The following STXBP2 variants were observed in gnomAD, a reference collection of about 807,000 sequenced individuals.
The protein encoded by STXBP2 is syntaxin binding protein 2.
A neutral mutation model predicts 72.2 loss-of-function variants in STXBP2; 47 were observed. That is an observed-to-expected ratio of 0.65 (90% CI 0.51 to 0.83). STXBP2 has a LOEUF of 0.83. Ranked by LOEUF, STXBP2 falls within the 40% of genes least tolerant of loss-of-function variation. The probability of loss-of-function intolerance (pLI) is 0.00; values close to 1 mark genes in which losing one functional copy is unlikely to be tolerated. For missense variants in STXBP2, 702 were observed against 807.6 expected (o/e 0.87, Z 1.58); for synonymous variants, 367 against 338.7 (o/e 1.08, Z -0.92).
At chr19:7,633,680 G>A (rs186048987), upstream of STXBP2, 11 of 584,294 alleles carry the variant, frequency 1.9e-5, no homozygotes, top group Admixed American at 2.5e-4. Context: ...GGGGCAGGGC[G>A]ACCTGAGCTT....
chr19:7,642,666 C>T lies in STXBP2; in HGVS notation c.903-100C>T. 6.8e-7 allele frequency: 1 copy of T among 1,476,556 alleles called. No individual in the cohort carries two copies. Among genetic ancestry groups the T allele is most frequent in the East Asian group, 2.3e-5 (1 of 43,246 alleles). The allele number at this position is 1,476,556 out of a possible 1,614,324, so 91.5% of individuals were successfully genotyped here. ...CCCTCGTGTGACTCCAGACTGGCCT[C>T]CAATTTCACCCCACCTCTCCCTGTC... On this transcript the variant is annotated intron_variant, in intron 10 of 18. Transcript: ENST00000221283. The surrounding 1 kb of genome is among the most constrained non-coding windows in gnomAD (Gnocchi z 6.0).
At position 7,639,319 on chromosome 19, in the gene STXBP2, C is replaced by T. The variant is rs981543342; in HGVS notation, c.169+219C>T. 18 of 646,398 alleles carry T rather than the reference C, an allele frequency of 2.8e-5. 1 individual carries two copies. The highest frequency in any genetic ancestry group is 2.1e-4 in the South Asian group (12 of 57,580). 40.0% of individuals were successfully genotyped at this position (646,398 alleles called of 1,614,324 possible). On this transcript the variant is annotated intron_variant, in intron 3 of 18. Coordinates refer to ENST00000221283, the MANE Select transcript of STXBP2 (RefSeq NM_006949.4). ...GCCCATGGATTGCAGGCCTCCCCTG[C>T]AGCACTCCCTGGCTGCAGCCCCTTC...
intron 16 of STXBP2, chr19:7,646,665 C>A: frequency 2.1e-6 from 1 of 472,124 alleles, no homozygotes; most frequent in Non-Finnish European, 3.9e-6. Flanking sequence ...CAGGGCAGCA[C>A]CATCCAATGG....
rs376435359 is a variant in STXBP2 at position 7,643,148 on chromosome 19, C to A, written c.1027-17C>A. On this transcript the variant is annotated splice_polypyrimidine_tract_variant and intron_variant, in intron 12 of 18. Coordinates refer to ENST00000221283, the MANE Select transcript of STXBP2 (RefSeq NM_006949.4). ...TCAGCCTTTGTTATCCCCCAACCCC[C>A]ACCCTGCACCCTGCAGTATTCTACG... 2.0e-5 allele frequency: 33 copies of A among 1,613,800 alleles called. No homozygotes were observed. The highest frequency in any genetic ancestry group is 2.7e-5 in the Non-Finnish European group (32 of 1,179,956).
chr19:7,630,176 G>A, the STXBP2 span: 171 of 468,190 alleles, frequency 3.7e-4, no homozygotes, highest in African/African-American at 3.2e-3. Context: ...CTCGTGGTGG[G>A]TGGGTGTCTA....
chr19:7,640,096 A>G (rs771647501), intron 4 of STXBP2: 2 of 566,020 alleles, frequency 3.5e-6, no homozygotes, highest in East Asian at 3.7e-5. Flanking sequence ...CTGTGTGTGC[A>G]TTTGTGTCTG....
chr19:7,640,815 T>G lies in STXBP2; in HGVS notation c.325+6T>G. The G allele has an allele frequency of 6.2e-7, 1 of 1,613,996 alleles. No individual in the cohort carries two copies. The highest frequency in any genetic ancestry group is 1.3e-5 in the African/African-American group (1 of 74,990). ...CCATATCTTCTTCACCGACAGTGAG[T>G]GAGGAGAGCCTAGGGTGTTGGTGGG... is the stretch of plus-strand genomic sequence containing the variant. On this transcript the variant is annotated splice_donor_region_variant and intron_variant, in intron 5 of 18. Coordinates refer to ENST00000221283, the MANE Select transcript of STXBP2 (RefSeq NM_006949.4).
the STXBP2 span, chr19:7,631,617 G>C: frequency 6.8e-7 from 1 of 1,467,950 alleles, no homozygotes; most frequent in Non-Finnish European, 9.0e-7. Flanking sequence ...TCAGTTCCTT[G>C]TTATTCATTT....
chr19:7,633,030 C>T (rs2031396752), upstream of STXBP2: 1 of 1,429,438 alleles, frequency 7.0e-7, no homozygotes, highest in Non-Finnish European at 9.1e-7. Context: ...GCCCCCGCCC[C>T]AGGGGCCCTG....
chr19:7,645,316 G>A lies in STXBP2; in HGVS notation c.1356+10G>A, dbSNP rs770432705. The A allele has an allele frequency of 3.2e-6, 5 of 1,571,220 alleles. No homozygotes were observed. Among genetic ancestry groups the A allele is most frequent in the Admixed American group, 1.8e-5 (1 of 54,212 alleles). On this transcript the variant is annotated intron_variant, in intron 15 of 18. Transcript: ENST00000221283. ...TGTCACCAACCCCGGGGTACGCCAGGAGCGGGCATGGGGGGACCCTGGGAG... is the reference window on the plus strand; with the variant it reads ...TGTCACCAACCCCGGGGTACGCCAGAAGCGGGCATGGGGGGACCCTGGGAG...
At chr19:7,640,055 T>A (rs1568464590) in intron 4 of STXBP2, 1 of 639,910 alleles carries the variant, frequency 1.6e-6, no homozygotes, top group Non-Finnish European at 2.9e-6. Context: ...TGCATTTGTG[T>A]GTATGTGTGT....
upstream of STXBP2, chr19:7,633,676 G>C (rs957854963): frequency 1.7e-6 from 1 of 588,036 alleles, no homozygotes; most frequent in Non-Finnish European, 3.0e-6. Context: ...GTAGGGGGCA[G>C]GGCGACCTGA....
At chr19:7,632,593 A>G, upstream of STXBP2, 1 of 1,595,516 alleles carries the variant, frequency 6.3e-7, no homozygotes, top group Non-Finnish European at 8.5e-7. This position sits in a 1 kb window ranked among gnomAD's most constrained non-coding sequence, Gnocchi z 5.2. Context: ...ACCCCCACAC[A>G]GATGCTTCAG....
the STXBP2 span, chr19:7,629,823 G>C: frequency 2.6e-6 from 4 of 1,536,690 alleles, no homozygotes; most frequent in Non-Finnish European, 3.5e-6. Context: ...TTGTTGACCG[G>C]GAGAAACGAG....
chr19:7,633,470 C>T (rs2031421501), upstream of STXBP2: 2 of 1,572,026 alleles, frequency 1.3e-6, no homozygotes, highest in Non-Finnish European at 8.6e-7. Context: ...CCCTGGACTC[C>T]AGTCACTTTT....
chr19:7,642,358 C>T lies in STXBP2; in HGVS notation c.794+25C>T, dbSNP rs1412523854. ...GGTCTGCAGACTTGGAACCCGTCCC[C>T]ACCCTTGCCACTGACCTGGTTCCCC... On this transcript the variant is annotated intron_variant, in intron 9 of 18. Coordinates refer to ENST00000221283, the MANE Select transcript of STXBP2 (RefSeq NM_006949.4). This position sits in a 1 kb window ranked among gnomAD's most constrained non-coding sequence, Gnocchi z 6.0. The T allele has an allele frequency of 8.1e-6, 13 of 1,613,224 alleles. No homozygotes were observed. Among genetic ancestry groups the T allele is most frequent in the Non-Finnish European group, 1.0e-5 (12 of 1,179,186 alleles).
Position 7,640,829 on chromosome 19 carries a change from G to C in STXBP2, c.325+20G>C. 1 of 1,614,042 alleles carries C rather than the reference G, an allele frequency of 6.2e-7. No homozygotes were observed. ...CCGACAGTGAGTGAGGAGAGCCTAG[G>C]GTGTTGGTGGGTGGGGCAAGGAGGT... is the stretch of plus-strand genomic sequence containing the variant. On this transcript the variant is annotated intron_variant, in intron 5 of 18. Transcript: ENST00000221283.
At chr19:7,638,172 G>C (rs945338833) in intron 1 of STXBP2, among the ~76,000 whole-genome samples, 2 of 152,212 alleles carry the variant, frequency 1.3e-5, no homozygotes, top group Admixed American at 6.5e-5. Context: ...CATGTTTATC[G>C]AGTGGCACCT....
upstream of STXBP2, chr19:7,636,496 C>G (rs116710632): frequency 6.6e-6 from 1 of 152,124 alleles, no homozygotes; most frequent in Non-Finnish European, 1.5e-5. Context: ...TGACAAATGC[C>G]CCCTGGGGAC....
Sources: allele counts gnomAD v4.1 joint callset (sites outside exome capture counted in the v4.1 genomes callset), GRCh38; gene constraint gnomAD v4.1.1; non-coding constraint Gnocchi (gnomAD v3.1); transcripts MANE v1.5; gene names NCBI Gene and HGNC (gene_info 2026-07-23, HGNC 2026-07-21).